ARHGAP42: variants seen among roughly 807,000 people sequenced by gnomAD.
The protein encoded by ARHGAP42 is rho GTPase-activating protein 42.
Under a neutral mutation model 125.0 loss-of-function variants are expected in ARHGAP42, and 63 were observed. The observed-to-expected ratio is 0.50, with a 90% CI of 0.41 to 0.62. ARHGAP42 has a LOEUF of 0.62. Ranked by LOEUF, ARHGAP42 falls within the 20% of genes least tolerant of loss-of-function variation. The pLI, the probability that ARHGAP42 is intolerant of heterozygous loss-of-function variation, is 0.00. For missense variants in ARHGAP42, 766 were observed against 1,024.2 expected, an observed-to-expected ratio of 0.75 and a Z score of 3.44; for synonymous variants, 339 against 351.0, an observed-to-expected ratio of 0.97 and a Z score of 0.38.
intron 1 of ARHGAP42, among the ~76,000 whole-genome samples, chr11:100,765,595 A>C (rs952652306): frequency 1.3e-5 from 2 of 152,126 alleles, no homozygotes; most frequent in Non-Finnish European, 2.9e-5. Flanking sequence ...GTTGTTATTA[A>C]TCTCTGTCAG....
chr11:100,843,510 A>T (rs992280271), intron 3 of ARHGAP42, among the ~76,000 whole-genome samples: 3 of 152,136 alleles, frequency 2.0e-5, no homozygotes, highest in Admixed American at 2.0e-4. Flanking sequence ...AAGAAATCAA[A>T]CTGCCACTGT....
chr11:100,832,736 T>C (rs1864691449), intron 3 of ARHGAP42, among the ~76,000 whole-genome samples: 1 of 152,228 alleles, frequency 6.6e-6, no homozygotes, highest in African/African-American at 2.4e-5. Flanking sequence ...GTTACTGCTA[T>C]CTTGACACAC....
At chr11:100,709,742 T>G (rs1861530983) in intron 1 of ARHGAP42, among the ~76,000 whole-genome samples, 1 of 152,234 alleles carries the variant, frequency 6.6e-6, no homozygotes, top group African/African-American at 2.4e-5. Flanking sequence ...GTGAGTAATT[T>G]AAAGCAGTTG....
rs555203144 is a variant in ARHGAP42 at position 100,774,194 on chromosome 11, A to G, written c.250+3756A>G. On this transcript the variant is annotated intron_variant, in intron 2 of 23. Coordinates refer to ENST00000298815, the MANE Select transcript of ARHGAP42 (RefSeq NM_152432.4). ...AGAATCATTGCTGACCTGGAAGATT[A>G]TGAGATTACACCAAGCTGTTCTACA... 7.9e-5 allele frequency among the ~76,000 whole-genome samples: 12 copies of G among 152,352 alleles called. No individual in the cohort carries two copies. The South Asian group carries it at 1.4e-3, about 18-fold the overall frequency.
chr11:100,984,554 T>A (rs1306995275), intron 22 of ARHGAP42, among the ~76,000 whole-genome samples: 2 of 152,024 alleles, frequency 1.3e-5, no homozygotes, highest in African/African-American at 4.8e-5. Context: ...ATTTTTAAAA[T>A]TTCTCTTATG....
chr11:100,895,354 A>C (rs896352417), intron 4 of ARHGAP42, among the ~76,000 whole-genome samples: 2 of 151,962 alleles, frequency 1.3e-5, no homozygotes, highest in African/African-American at 4.8e-5. Context: ...AGTCAAAATC[A>C]TTGTCTCTGT....
At chr11:100,966,179 A>T (rs1858089455) in intron 17 of ARHGAP42, among the ~76,000 whole-genome samples, 1 of 152,104 alleles carries the variant, frequency 6.6e-6, no homozygotes, top group Non-Finnish European at 1.5e-5. Flanking sequence ...TAACTGTTAG[A>T]TTCCCTCCAT....
intron 12 of ARHGAP42, among the ~76,000 whole-genome samples, chr11:100,957,137 T>A (rs1477626970): frequency 2.6e-5 from 4 of 152,092 alleles, no homozygotes; most frequent in Non-Finnish European, 4.4e-5. Flanking sequence ...CTTTATTTTG[T>A]AGGAGAGGAA....
intron 2 of ARHGAP42, among the ~76,000 whole-genome samples, chr11:100,771,895 C>T (rs1024780364): frequency 2.0e-5 from 3 of 152,070 alleles, no homozygotes; most frequent in African/African-American, 7.2e-5. Flanking sequence ...CCACTGCGCC[C>T]GGCTGGAAAT....
intron 3 of ARHGAP42, among the ~76,000 whole-genome samples, chr11:100,817,864 A>G (rs1864306061): frequency 6.6e-6 from 1 of 152,172 alleles, no homozygotes; most frequent in Non-Finnish European, 1.5e-5. Flanking sequence ...AAAAATCCAC[A>G]GGGCATTGCG....
intron 1 of ARHGAP42, among the ~76,000 whole-genome samples, chr11:100,749,033 T>C (rs1444538088): frequency 2.0e-5 from 3 of 152,102 alleles, no homozygotes; most frequent in Admixed American, 2.0e-4. Flanking sequence ...ACTCTCTGTC[T>C]CTTTCTCTGC....
rs893977118 is a variant in ARHGAP42, at chr11:100,687,549, A to G, written c.-130A>G. 7 of 622,128 alleles carry G rather than the reference A, an allele frequency of 1.1e-5. No individual in the cohort carries two copies. The highest frequency in any genetic ancestry group is 7.9e-5 in the African/African-American group (4 of 50,746). The allele number at this position is 622,128 out of a possible 1,614,324, so 38.5% of individuals were successfully genotyped here. A position where few individuals can be genotyped will look rare whatever the true frequency, so the allele number is the denominator to read the frequency against. On this transcript the variant is annotated 5_prime_UTR_variant, in exon 1 of 24. Coordinates refer to ENST00000298815, the MANE Select transcript of ARHGAP42 (RefSeq NM_152432.4). ...GCTCGGGGCCCGTTTCCTCCGCGCA[A>G]TCAGTCCCCTCGCGTCCCGGCGCCT...
chr11:100,920,767 T>G (rs1467772277), intron 5 of ARHGAP42, among the ~76,000 whole-genome samples: 1 of 152,184 alleles, frequency 6.6e-6, no homozygotes, highest in Non-Finnish European at 1.5e-5. Context: ...TAAAAGTGCA[T>G]GGCATTGACA....
intron 1 of ARHGAP42, among the ~76,000 whole-genome samples, chr11:100,709,685 A>G (rs913944581): frequency 6.6e-6 from 1 of 152,204 alleles, no homozygotes; most frequent in Non-Finnish European, 1.5e-5. Context: ...TTTTATTACT[A>G]GCATATTTAT....
intron 7 of ARHGAP42, among the ~76,000 whole-genome samples, chr11:100,933,624 CTG>C (rs1867646114): frequency 6.6e-6 from 1 of 152,084 alleles, no homozygotes; most frequent in Admixed American, 6.5e-5. Context: ...CAGATGGTAA[CTG>C]TGGTGATTGA....
rs1555037006 is a variant in ARHGAP42, at chr11:100,980,559, C to CTTCTTT, written c.2456+1512_2456+1513insCTTTTT. Among the ~76,000 whole-genome samples the CTTCTTT allele has an allele frequency of 1.8e-3, 93 of 51,948 alleles. 4 individuals are homozygous for CTTCTTT. The highest frequency in any genetic ancestry group is 4.3e-3 in the East Asian group (5 of 1,164). 34.1% of individuals were successfully genotyped at this position (51,948 alleles called of 152,430 possible). On this transcript the variant is annotated intron_variant, in intron 22 of 23. Coordinates refer to ENST00000298815, the MANE Select transcript of ARHGAP42 (RefSeq NM_152432.4). ...TCAAATCATACTTCTTTTTCTTCTT[C>CTTCTTT]TTTTTTTTTTTTTTTTTTTTTTTTT...
intron 4 of ARHGAP42, among the ~76,000 whole-genome samples, chr11:100,865,947 CT>C (rs1865559319): frequency 6.6e-6 from 1 of 152,252 alleles, no homozygotes; most frequent in African/African-American, 2.4e-5. Flanking sequence ...TAGGTTGACT[CT>C]TTCTTTCATG....
chr11:100,985,742 C>A (rs1397881729), intron 22 of ARHGAP42, among the ~76,000 whole-genome samples: 1 of 152,346 alleles, frequency 6.6e-6, no homozygotes, highest in African/African-American at 2.4e-5. Flanking sequence ...TGAGGCTCAC[C>A]TCTGATGAAA....
chr11:100,886,828 A>G (rs1866103555), intron 4 of ARHGAP42, among the ~76,000 whole-genome samples: 1 of 152,346 alleles, frequency 6.6e-6, no homozygotes, highest in Middle Eastern at 3.4e-3. Flanking sequence ...TGGGAAGAAC[A>G]CTGAATTAGG....
Sources: gnomAD v4.1 joint callset for allele counts (sites outside exome capture counted in the v4.1 genomes callset) on GRCh38, gnomAD v4.1.1 for gene constraint, MANE v1.5 for transcripts, NCBI Gene and HGNC (gene_info 2026-07-23, HGNC 2026-07-21) for gene names.